MC2R: variants seen among roughly 807,000 people sequenced by gnomAD.
MC2R encodes adrenocorticotropic hormone receptor.
Under a neutral mutation model 9.8 loss-of-function variants are expected in MC2R, and 9 were observed. The ratio of observed to expected loss-of-function variants is 0.92; its 90% CI spans 0.55 to 1.60. The LOEUF (loss-of-function observed/expected upper bound fraction) is 1.60. MC2R is among the 40% of genes most tolerant of loss of function. MC2R has a pLI of 0.00. For missense variants in MC2R, 370 were observed against 389.0 expected, an observed-to-expected ratio of 0.95 and a Z score of 0.41; for synonymous variants, 185 against 154.7, an observed-to-expected ratio of 1.20 and a Z score of -1.45.
chr18:13,896,379 G>T (rs1598464075), intron 1 of MC2R, among the ~76,000 whole-genome samples: 1 of 152,198 alleles, frequency 6.6e-6, no homozygotes, highest in African/African-American at 2.4e-5. Context: ...AGAATTGGCT[G>T]AAAAGTGTGA....
chr18:13,907,660 T>C (rs1379674212), intron 1 of MC2R, among the ~76,000 whole-genome samples: 1 of 152,056 alleles, frequency 6.6e-6, no homozygotes, highest in Non-Finnish European at 1.5e-5. Context: ...CATAAGGAGC[T>C]CAAACAACTT....
At chr18:13,909,495 G>T (rs1428190926) in intron 1 of MC2R, among the ~76,000 whole-genome samples, 1 of 152,170 alleles carries the variant, frequency 6.6e-6, no homozygotes, top group Non-Finnish European at 1.5e-5. Flanking sequence ...CTCCTTGAGG[G>T]TGGAGTGTCT....
chr18:13,888,466 C>T (rs1220464730), intron 1 of MC2R, among the ~76,000 whole-genome samples: 1 of 152,194 alleles, frequency 6.6e-6, no homozygotes. Context: ...ACTCACTCAA[C>T]CCCCAGAGGA....
chr18:13,915,130 G>C (rs772034126), intron 1 of MC2R, among the ~76,000 whole-genome samples: 8 of 152,098 alleles, frequency 5.3e-5, no homozygotes, highest in Admixed American at 1.3e-4. Context: ...CAGGTGAAGG[G>C]GCTAACTCCA....
At position 13,885,145 on chromosome 18, in the gene MC2R, G is replaced by A. The variant is rs1324379630; in HGVS notation, c.374C>T (p.Ala125Val). ...GAAGATGGTGATGTAGCGGTCCGCA[G>A]CAATCACAGACAGGCTGAAGATGGA... The part of the protein sequence containing the change: ...LGSIFSLSVI[A>V]ADRYITIFHA... The change falls in exon 2 of 2, where the codon GCT becomes GTT. Residue 125 changes from alanine (A) to valine (V), a missense_variant. Physicochemically the swap from Ala to Val is moderately conservative, Grantham distance 64. Coordinates refer to ENST00000327606, the MANE Select transcript of MC2R (RefSeq NM_000529.2). The A allele has an allele frequency of 5.6e-6, 9 of 1,614,068 alleles. No individual in the cohort carries two copies. Among genetic ancestry groups the A allele is most frequent in the Non-Finnish European group, 7.6e-6 (9 of 1,180,056 alleles).
intron 1 of MC2R, among the ~76,000 whole-genome samples, chr18:13,893,666 T>C (rs904989601): frequency 3.9e-5 from 6 of 152,214 alleles, no homozygotes; most frequent in Non-Finnish European, 8.8e-5. Context: ...CTTTGGGGTT[T>C]GTGTTGCTTG....
At chr18:13,889,219 G>A (rs1337167568) in intron 1 of MC2R, among the ~76,000 whole-genome samples, 2 of 152,092 alleles carry the variant, frequency 1.3e-5, no homozygotes, top group Non-Finnish European at 2.9e-5. Context: ...TTATGTTATT[G>A]GAACCTCTGG....
At chr18:13,887,837 G>A (rs2045286583) in intron 1 of MC2R, among the ~76,000 whole-genome samples, 1 of 152,082 alleles carries the variant, frequency 6.6e-6, no homozygotes, top group Non-Finnish European at 1.5e-5. Context: ...CTACTCTCCT[G>A]GGTCTCCAGC....
chr18:13,885,330 G>A lies in MC2R; in HGVS notation c.189C>T (p.Ile63=). 2 of 1,614,218 alleles carry A rather than the reference G, an allele frequency of 1.2e-6. No homozygotes were observed. The change falls in exon 2 of 2, where the codon ATC becomes ATT. Residue 63 remains isoleucine (I), a synonymous_variant. Coordinates refer to ENST00000327606, the MANE Select transcript of MC2R (RefSeq NM_000529.2). Reference sequence around the variant, plus strand: ...GCATATCAGATATGGCCAAGCTACAGATGAAAAAGTACATGGGTGCCTGGA... The same window carrying A: ...GCATATCAGATATGGCCAAGCTACAAATGAAAAAGTACATGGGTGCCTGGA... The part of the protein sequence containing the change: ...KNLQAPMYFF[I]CSLAISDMLG...
At chr18:13,894,090 T>G (rs976635804) in intron 1 of MC2R, among the ~76,000 whole-genome samples, 2 of 152,074 alleles carry the variant, frequency 1.3e-5, no homozygotes, top group African/African-American at 4.8e-5. Context: ...TCCTGGAAAT[T>G]TTTCAATAGT....
intron 1 of MC2R, among the ~76,000 whole-genome samples, chr18:13,899,393 T>C (rs2045365466): frequency 6.6e-6 from 1 of 152,148 alleles, no homozygotes; most frequent in South Asian, 2.1e-4. Flanking sequence ...AGAGCAAATC[T>C]AAGAGTTATT....
intron 1 of MC2R, among the ~76,000 whole-genome samples, chr18:13,894,159 TGC>T (rs144526939): frequency 2.0e-5 from 3 of 148,152 alleles, no homozygotes; most frequent in Non-Finnish European, 4.5e-5. Context: ...TGTGTGTGTG[TGC>T]GTGCATGTGT....
At chr18:13,901,924 A>G (rs936874020) in intron 1 of MC2R, among the ~76,000 whole-genome samples, 2 of 152,256 alleles carry the variant, frequency 1.3e-5, no homozygotes, top group Admixed American at 6.5e-5. Context: ...ACAAAGACAC[A>G]TCAAAAAAAG....
intron 1 of MC2R, among the ~76,000 whole-genome samples, chr18:13,904,036 C>T (rs2045396525): frequency 6.6e-6 from 1 of 151,424 alleles, no homozygotes; most frequent in African/African-American, 2.4e-5. Flanking sequence ...TTTTGAGTCA[C>T]CCTGTTTCTT....
Position 13,884,770 on chromosome 18 carries a change from T to A in MC2R, c.749A>T (p.Tyr250Phe), listed in dbSNP as rs2045262713. ...GAAGAGAGACATGTAGCAGGCGCAGTAGGGGTTACTTGGGCAGAATGTCAT... is the reference window on the plus strand; with the variant it reads ...GAAGAGAGACATGTAGCAGGCGCAGAAGGGGTTACTTGGGCAGAATGTCAT... ...LLMTFCPSNPYCACYMSLFQV... is the reference protein window; with the variant it reads ...LLMTFCPSNPFCACYMSLFQV... Residue 250 changes from tyrosine to phenylalanine, a missense_variant, in exon 2 of 2, where the codon TAC (tyrosine) becomes TTC (phenylalanine). Physicochemically the swap from Tyr to Phe is conservative, Grantham distance 22 (BLOSUM62 3). Transcript: ENST00000327606. 7 of 1,613,772 alleles carry A rather than the reference T, an allele frequency of 4.3e-6. No individual in the cohort carries two copies. Among genetic ancestry groups the A allele is most frequent in the Non-Finnish European group, 5.9e-6 (7 of 1,180,002 alleles).
At chr18:13,904,612 T>C (rs1303757699) in intron 1 of MC2R, among the ~76,000 whole-genome samples, 1 of 152,102 alleles carries the variant, frequency 6.6e-6, no homozygotes, top group East Asian at 1.9e-4. Flanking sequence ...GATTTCAAAC[T>C]ATACTACAAG....
chr18:13,901,530 T>A (rs2045380052), intron 1 of MC2R, among the ~76,000 whole-genome samples: 2 of 151,538 alleles, frequency 1.3e-5, no homozygotes, highest in Admixed American at 1.3e-4. Context: ...AAGATATAAA[T>A]AAATAAAATA....
chr18:13,892,451 G>A (rs924689989), intron 1 of MC2R, among the ~76,000 whole-genome samples: 2 of 152,118 alleles, frequency 1.3e-5, no homozygotes, highest in Admixed American at 6.5e-5. Context: ...ACCCATCCCT[G>A]TTCAGCACAG....
In MC2R at chr18:13,914,229, C is replaced by T. The variant is rs572597422; in HGVS notation, c.-129+1259G>A. ...GGTTCATGCCCTCCTCCACCCCTGC[C>T]GCGGCCTAAGCGGTGTCCCAAAGGC... On this transcript the variant is annotated intron_variant, in intron 1 of 1. Coordinates refer to ENST00000327606, the MANE Select transcript of MC2R (RefSeq NM_000529.2). Among the ~76,000 whole-genome samples the T allele has an allele frequency of 2.5e-4, 38 of 152,258 alleles. No individual in the cohort carries two copies. In the South Asian group the frequency reaches 6.6e-3, roughly 27 times the overall value.
Sources: allele counts gnomAD v4.1 joint callset (sites outside exome capture counted in the v4.1 genomes callset), GRCh38; gene constraint gnomAD v4.1.1; transcripts MANE v1.5; gene names NCBI Gene and HGNC (gene_info 2026-07-23, HGNC 2026-07-21).